The following FHIP1A variants were observed in gnomAD, a reference collection of about 807,000 sequenced individuals.
FHIP1A encodes the protein FHF complex subunit HOOK-interacting protein 1A.
A neutral mutation model predicts 88.6 loss-of-function variants in FHIP1A; 61 were observed. That is an observed-to-expected ratio of 0.69 (90% confidence interval 0.56 to 0.85). The LOEUF (loss-of-function observed/expected upper bound fraction) is 0.85. Among genes scored for constraint, FHIP1A ranks in the 40% least tolerant of loss-of-function variants. FHIP1A has a pLI of 0.00. For synonymous variants in FHIP1A, 478 were observed against 496.0 expected, an observed-to-expected ratio of 0.96 and a Z score of 0.48; for missense variants, 1,154 against 1,273.5, an observed-to-expected ratio of 0.91 and a Z score of 1.43.
intron 8 of FHIP1A, among the ~76,000 whole-genome samples, chr4:151,633,263 T>TA (rs762409086): frequency 2.0e-5 from 3 of 150,716 alleles, no homozygotes; most frequent in South Asian, 2.1e-4. Flanking sequence ...CATGAAGAAA[T>TA]AAAAAAAAAT....
At chr4:151,577,227 A>G (rs1008335839) in intron 4 of FHIP1A, among the ~76,000 whole-genome samples, 10 of 152,328 alleles carry the variant, frequency 6.6e-5, no homozygotes, top group Non-Finnish European at 1.5e-4. Context: ...GTTGAAATTT[A>G]TAACTGTGTA....
chr4:151,468,112 G>A (rs991340268), intron 2 of FHIP1A, among the ~76,000 whole-genome samples: 10 of 151,266 alleles, frequency 6.6e-5, no homozygotes, highest in African/African-American at 2.2e-4. Context: ...GTGAAACCCC[G>A]TCTCTACTAA....
chr4:151,646,535 G>GT, intron 9 of FHIP1A, 23 bp from the exon 10 acceptor site: 1 of 1,532,322 alleles, frequency 6.5e-7, no homozygotes, highest in Non-Finnish European at 8.8e-7. Context: ...GAGACCAAAC[G>GT]CTTGTTCTTT....
At chr4:151,478,326 T>A (rs1729780698) in intron 2 of FHIP1A, among the ~76,000 whole-genome samples, 1 of 152,176 alleles carries the variant, frequency 6.6e-6, no homozygotes, top group African/African-American at 2.4e-5. Context: ...AAAGCTAACT[T>A]GGTGGCTGAA....
chr4:151,472,756 A>G (rs1311286489), intron 2 of FHIP1A, among the ~76,000 whole-genome samples: 1 of 152,058 alleles, frequency 6.6e-6, no homozygotes, highest in East Asian at 1.9e-4. Context: ...TTCAAAAGGC[A>G]GAAATATAAG....
intron 3 of FHIP1A, among the ~76,000 whole-genome samples, chr4:151,511,618 G>T (rs541473917): frequency 2.0e-5 from 3 of 152,196 alleles, no homozygotes; most frequent in Non-Finnish European, 2.9e-5. Context: ...AAAAAACGGC[G>T]CACCAGGAGA....
At chr4:151,541,926 A>G (rs1274887130) in intron 3 of FHIP1A, among the ~76,000 whole-genome samples, 1 of 152,142 alleles carries the variant, frequency 6.6e-6, no homozygotes, top group Non-Finnish European at 1.5e-5. Context: ...AGTACAATTG[A>G]GACAGCCAAG....
chr4:151,526,779 C>T lies in FHIP1A; in HGVS notation c.-122-39359C>T, dbSNP rs543671355. Among the ~76,000 whole-genome samples the T allele has an allele frequency of 9.3e-5, 14 of 150,166 alleles. No individual in the cohort carries two copies. The East Asian group carries it at 1.6e-3, about 17-fold the overall frequency. The stretch of plus-strand genomic sequence containing the variant: ...CTCACTTCTCAGATGGGGCGGCTGC[C>T]GGGCGGAGGGGCTCTTCACTTCTCA... On this transcript the variant is annotated intron_variant, in intron 3 of 13. Coordinates refer to ENST00000435205, the MANE Select transcript of FHIP1A (RefSeq NM_001109977.3).
chr4:151,621,752 A>G (rs1735755286), intron 7 of FHIP1A, among the ~76,000 whole-genome samples: 1 of 151,758 alleles, frequency 6.6e-6, no homozygotes, highest in South Asian at 2.1e-4. Context: ...GTATTGTCTT[A>G]TTAATCAGGA....
chr4:151,440,356 CAGGTGCCTGACACATAGT>C (rs1282837390), intron 1 of FHIP1A, among the ~76,000 whole-genome samples: 1 of 152,064 alleles, frequency 6.6e-6, no homozygotes, highest in Non-Finnish European at 1.5e-5. Flanking sequence ...CTTTTTTGTT[CAGGTGCCTGACACATAGT>C]AGGTGCCAAG....
At chr4:151,531,245 C>T (rs1488690076) in intron 3 of FHIP1A, among the ~76,000 whole-genome samples, 4 of 151,686 alleles carry the variant, frequency 2.6e-5, no homozygotes, top group South Asian at 2.1e-4. Context: ...ACATTTGGAA[C>T]GTTCAGGCAT....
intron 4 of FHIP1A, among the ~76,000 whole-genome samples, chr4:151,571,229 G>A (rs1012159298): frequency 6.6e-6 from 1 of 152,160 alleles, no homozygotes; most frequent in African/African-American, 2.4e-5. Context: ...AGAGGAGGTG[G>A]GTTAAAACAA....
chr4:151,591,127 T>A (rs1481442397), intron 7 of FHIP1A, among the ~76,000 whole-genome samples: 1 of 150,902 alleles, frequency 6.6e-6, no homozygotes, highest in East Asian at 1.9e-4. Context: ...ATGAATAGGG[T>A]TAGGGACGGA....
intron 3 of FHIP1A, among the ~76,000 whole-genome samples, chr4:151,488,241 C>T (rs112222328): frequency 0.014 from 2,194 of 152,206 alleles, 49 homozygotes; most frequent in African/African-American, 0.051. Flanking sequence ...TTGTGTGATG[C>T]TGAGGTTTGG....
chr4:151,513,895 G>A (rs1386020044), intron 3 of FHIP1A, among the ~76,000 whole-genome samples: 3 of 150,398 alleles, frequency 2.0e-5, no homozygotes, highest in African/African-American at 4.9e-5. Context: ...ACAGATCAAC[G>A]AGACAGAAAG....
intron 3 of FHIP1A, among the ~76,000 whole-genome samples, chr4:151,526,860 C>G (rs1731681545): frequency 6.6e-6 from 1 of 150,526 alleles, no homozygotes; most frequent in Admixed American, 6.6e-5. Context: ...GGCGGCCGGG[C>G]AGAGACGCTC....
intron 3 of FHIP1A, among the ~76,000 whole-genome samples, chr4:151,483,062 G>A (rs759045195): frequency 7.2e-5 from 11 of 152,080 alleles, no homozygotes; most frequent in Non-Finnish European, 1.6e-4. Flanking sequence ...ACACTGTATT[G>A]AAAATAAATT....
intron 7 of FHIP1A, among the ~76,000 whole-genome samples, chr4:151,626,267 A>G (rs1735948126): frequency 6.6e-6 from 1 of 152,228 alleles, no homozygotes; most frequent in Non-Finnish European, 1.5e-5. Context: ...TTTGGATTTC[A>G]AACTATAGTT....
chr4:151,622,794 G>A (rs930701488), intron 7 of FHIP1A, among the ~76,000 whole-genome samples: 2 of 152,052 alleles, frequency 1.3e-5, no homozygotes, highest in Admixed American at 1.3e-4. Flanking sequence ...GAGCCAAAAT[G>A]CCCCCATATT....
Sources: allele counts gnomAD v4.1 joint callset (sites outside exome capture counted in the v4.1 genomes callset), GRCh38; gene constraint gnomAD v4.1.1; transcripts MANE v1.5; gene names NCBI Gene and HGNC (gene_info 2026-07-23, HGNC 2026-07-21).